FASTKD1: variants seen among roughly 807,000 people sequenced by gnomAD.
The protein encoded by FASTKD1 is FAST kinase domain-containing protein 1, mitochondrial.
A neutral mutation model predicts 90.9 loss-of-function variants in FASTKD1; 94 were observed. The observed-to-expected ratio is 1.03, with a 90% CI of 0.88 to 1.23. The LOEUF (loss-of-function observed/expected upper bound fraction) is 1.23, where lower values mean the gene tolerates loss of function less well. Among genes scored for constraint, FASTKD1 ranks in the 50% most tolerant of loss-of-function variants. FASTKD1 has a pLI of 0.00. For synonymous variants in FASTKD1, 319 were observed against 345.8 expected, an observed-to-expected ratio of 0.92 and a Z score of 0.86; for missense variants, 945 against 993.5, an observed-to-expected ratio of 0.95 and a Z score of 0.66.
rs1574404242 is a variant in FASTKD1 at position 169,560,854 on chromosome 2, T to C, written c.573-69A>G. The C allele has an allele frequency of 1.3e-5, 17 of 1,298,838 alleles. No homozygotes were observed. In the East Asian group the frequency reaches 4.3e-4, roughly 33 times the overall value. The allele number at this position is 1,298,838 out of a possible 1,614,324, so 80.5% of individuals were successfully genotyped here. On this transcript the variant is annotated intron_variant, in intron 4 of 14. Coordinates refer to ENST00000453153, the MANE Select transcript of FASTKD1 (RefSeq NM_024622.6). ...ATGATCAATTCTTTTTTTTTTTTTT[T>C]TTTTTTTTTGTAGAAACAGAGTCTT...
intron 6 of FASTKD1, among the ~76,000 whole-genome samples, chr2:169,556,079 C>T (rs1313229140): frequency 6.6e-6 from 1 of 152,026 alleles, no homozygotes; most frequent in African/African-American, 2.4e-5. Context: ...AAAGGAGGGT[C>T]TTTATGCTCT....
At chr2:169,569,808 A>T (rs1475710384) in intron 2 of FASTKD1, among the ~76,000 whole-genome samples, 1 of 152,160 alleles carries the variant, frequency 6.6e-6, no homozygotes, top group Non-Finnish European at 1.5e-5. Context: ...CCGAGACTGC[A>T]CCACTGCACT....
chr2:169,538,742 T>C (rs115033380), intron 10 of FASTKD1, among the ~76,000 whole-genome samples: 2,083 of 151,938 alleles, frequency 0.014, 57 homozygotes, highest in African/African-American at 0.047. Flanking sequence ...CACTTAGGAT[T>C]TTATCCTAAG....
At chr2:169,531,264 C>G (rs143845376) in intron 13 of FASTKD1, 88 bp downstream of exon 13, 15,694 of 1,352,858 alleles carry the variant, frequency 0.012, 131 homozygotes, top group Non-Finnish European at 0.015. Flanking sequence ...GATTCCACTA[C>G]CTTCAATCCT....
In FASTKD1 at chr2:169,538,094, A is replaced by G; in HGVS notation, c.1993T>C (p.Leu665=). 1 of 1,610,924 alleles carries G rather than the reference A, an allele frequency of 6.2e-7. No homozygotes were observed. The highest frequency in any genetic ancestry group is 8.5e-7 in the Non-Finnish European group (1 of 1,178,660). ...CATTCCAAGCAGACTGATCTATTTA[A>G]CTCCATAAGATGAAACTGGACTCTT... ...SARVQFHLME[L]NRSVCLECPE... is the part of the protein sequence containing the mutation. Residue 665 remains leucine, a synonymous_variant, in exon 11 of 15, where the codon TTA becomes CTA. Coordinates refer to ENST00000453153, the MANE Select transcript of FASTKD1 (RefSeq NM_024622.6).
chr2:169,534,980 T>A (rs922986690), intron 12 of FASTKD1, among the ~76,000 whole-genome samples: 3 of 152,124 alleles, frequency 2.0e-5, no homozygotes, highest in African/African-American at 4.8e-5. Flanking sequence ...TCATGTAATT[T>A]TTTTTTAAGA....
chr2:169,544,001 A>C (rs1236652208), intron 9 of FASTKD1, among the ~76,000 whole-genome samples: 2 of 152,226 alleles, frequency 1.3e-5, no homozygotes, highest in African/African-American at 4.8e-5. Context: ...TTAGGGGACT[A>C]TGATTAAGTT....
intron 7 of FASTKD1, among the ~76,000 whole-genome samples, chr2:169,547,995 C>CAA (rs759460041): frequency 1.7e-3 from 129 of 77,610 alleles, no homozygotes; most frequent in South Asian, 4.7e-3. Context: ...CCCTCCGTCT[C>CAA]AAAAAAAAAA....
In FASTKD1 at chr2:169,530,676, T is replaced by G. The variant is rs1684441922; in HGVS notation, c.2353A>C (p.Lys785Gln). ...ERIALEFLDS[K>Q]ALCRNIPHMK... is the part of the protein sequence containing the mutation. The stretch of plus-strand genomic sequence containing the variant: ...TGAGGGATATTTCTACAAAGTGCTT[T>G]TGAATCCAAAAATTCCAAAGCAATC... The change falls in exon 14 of 15, where the codon AAA (lysine) becomes CAA (glutamine). Residue 785 changes from lysine to glutamine, a missense_variant. By Grantham distance (53) the Lys-to-Gln change is moderately conservative. Coordinates refer to ENST00000453153, the MANE Select transcript of FASTKD1 (RefSeq NM_024622.6). The G allele has an allele frequency of 6.2e-7, 1 of 1,602,550 alleles. No individual in the cohort carries two copies. The highest frequency in any genetic ancestry group is 8.5e-7 in the Non-Finnish European group (1 of 1,176,260).
At chr2:169,535,438 CTATTTATTTATT>C (rs888692142) in intron 12 of FASTKD1, among the ~76,000 whole-genome samples, 1 of 134,994 alleles carries the variant, frequency 7.4e-6, no homozygotes, top group Non-Finnish European at 1.6e-5. Flanking sequence ...ACCATGCCTG[CTATTTATTTATT>C]TATTTATTTA....
rs1683365744 is a variant in FASTKD1 at position 169,557,304 on chromosome 2, GC to G, written c.972-8del. ...TAACATAGTTGATTTAAGTCTAGAAGCAAAAAAAAAAAAGTTTTTGGTTGAA... is the reference window on the plus strand; with the variant it reads ...TAACATAGTTGATTTAAGTCTAGAAGAAAAAAAAAAAAGTTTTTGGTTGAA... On this transcript the variant is annotated splice_region_variant and splice_polypyrimidine_tract_variant and intron_variant, in intron 5 of 14. Transcript: ENST00000453153. 4.8e-6 allele frequency: 7 copies of G among 1,462,964 alleles called. No homozygotes were observed. The highest frequency in any genetic ancestry group is 5.0e-5 in the East Asian group (2 of 40,156). 90.6% of individuals were successfully genotyped at this position (1,462,964 alleles called of 1,614,324 possible). A position where few individuals can be genotyped will look rare whatever the true frequency, so the allele number is the denominator to read the frequency against.
intron 12 of FASTKD1, among the ~76,000 whole-genome samples, chr2:169,534,705 C>T (rs1684655461): frequency 6.6e-6 from 1 of 151,880 alleles, no homozygotes; most frequent in Non-Finnish European, 1.5e-5. Context: ...GTAATCCGCC[C>T]GCCTCTGTCT....
intron 7 of FASTKD1, among the ~76,000 whole-genome samples, chr2:169,551,584 C>T (rs1161947225): frequency 6.6e-6 from 1 of 152,032 alleles, no homozygotes. Flanking sequence ...ATTACTTGAG[C>T]ACAGGAGTTT....
In FASTKD1 at chr2:169,560,482, C is replaced by G. The variant is rs1286251586; in HGVS notation, c.876G>C (p.Lys292Asn). ...SFEFIIMAKK[K>N]LTEMIPLCNH... Reference sequence around the variant, plus strand: ...TACACAGAGGAATCATTTCAGTTAGCTTCTTTTTAGCCATTATAATAAATT... The same window carrying G: ...TACACAGAGGAATCATTTCAGTTAGGTTCTTTTTAGCCATTATAATAAATT... Residue 292 changes from lysine (K) to asparagine (N), a missense_variant, in exon 5 of 15, where the codon AAG becomes AAC. Coordinates refer to ENST00000453153, the MANE Select transcript of FASTKD1 (RefSeq NM_024622.6). 1 of 1,602,394 alleles carries G rather than the reference C, an allele frequency of 6.2e-7. No homozygotes were observed.
intron 7 of FASTKD1, among the ~76,000 whole-genome samples, chr2:169,553,426 T>C (rs1047634916): frequency 2.0e-5 from 3 of 152,070 alleles, no homozygotes; most frequent in African/African-American, 7.2e-5. Context: ...AAGCATCTTA[T>C]CATCTTACCA....
chr2:169,532,895 C>CATT (rs1334995232), intron 12 of FASTKD1, among the ~76,000 whole-genome samples: 1 of 152,108 alleles, frequency 6.6e-6, no homozygotes, highest in African/African-American at 2.4e-5. Context: ...CCATTGAGTT[C>CATT]ATTATAGTAG....
intron 7 of FASTKD1, among the ~76,000 whole-genome samples, chr2:169,548,597 T>C (rs1685328731): frequency 6.6e-6 from 1 of 151,466 alleles, no homozygotes; most frequent in African/African-American, 2.4e-5. Context: ...CCGGGCGTGG[T>C]GGCACATGCC....
intron 7 of FASTKD1, among the ~76,000 whole-genome samples, chr2:169,547,884 C>CAAAAAAAAAAAAAAAAA (rs1158292826): frequency 9.4e-5 from 2 of 21,348 alleles, no homozygotes; most frequent in Admixed American, 6.5e-4. Context: ...GACTCCATCT[C>CAAAAAAAAAAAAAAAAA]AAAAAAAAAA....
At chr2:169,569,586 C>A (rs1240774215) in intron 2 of FASTKD1, among the ~76,000 whole-genome samples, 3 of 152,194 alleles carry the variant, frequency 2.0e-5, no homozygotes, top group Non-Finnish European at 4.4e-5. Flanking sequence ...CATGGTGGCT[C>A]ACACCTGTAA....
Sources: gnomAD v4.1 joint callset for allele counts (sites outside exome capture counted in the v4.1 genomes callset) on GRCh38, gnomAD v4.1.1 for gene constraint, MANE v1.5 for transcripts, NCBI Gene and HGNC (gene_info 2026-07-23, HGNC 2026-07-21) for gene names.